Variants in ENOX1 observed in about 807,000 individuals in gnomAD.
ENOX1 encodes ecto-NOX disulfide-thiol exchanger 1, also known as candidate growth-related and time keeping constitutive hydroquinone (NADH) oxidase.
Under a neutral mutation model 82.5 loss-of-function variants are expected in ENOX1, and 42 were observed. That is an observed-to-expected ratio of 0.51 (90% CI 0.40 to 0.66). The LOEUF (loss-of-function observed/expected upper bound fraction) is 0.66, where lower values mean the gene tolerates loss of function less well. Among genes scored for constraint, ENOX1 ranks in the 30% least tolerant of loss-of-function variants. ENOX1 has a pLI of 0.00. For synonymous variants in ENOX1, 271 were observed against 282.2 expected (o/e 0.96, Z 0.40); for missense variants, 608 against 811.6 (o/e 0.75, Z 3.05).
intron 2 of ENOX1, among the ~76,000 whole-genome samples, chr13:43,585,328 G>A (rs2080928751): frequency 6.6e-6 from 1 of 152,200 alleles, no homozygotes; most frequent in African/African-American, 2.4e-5. Context: ...CCTTAATTCA[G>A]CCCATTGAAA....
intron 2 of ENOX1, among the ~76,000 whole-genome samples, chr13:43,535,300 C>G (rs901721269): frequency 2.3e-4 from 35 of 152,108 alleles, no homozygotes; most frequent in Non-Finnish European, 4.7e-4. Flanking sequence ...AGAATAAAGA[C>G]TTAGAACCTA....
intron 1 of ENOX1, among the ~76,000 whole-genome samples, chr13:43,719,507 C>T (rs1396753515): frequency 6.6e-6 from 1 of 152,108 alleles, no homozygotes; most frequent in Non-Finnish European, 1.5e-5. Context: ...ATAATCAATG[C>T]TGTGGCTGGA....
At chr13:43,767,963 G>C (rs904820529) in intron 1 of ENOX1, among the ~76,000 whole-genome samples, 1 of 152,204 alleles carries the variant, frequency 6.6e-6, no homozygotes. Flanking sequence ...AGTCGGGGGG[G>C]AGCGGAGGGG....
At chr13:43,589,216 GAAAAAAAA>G (rs58912569) in intron 2 of ENOX1, among the ~76,000 whole-genome samples, 4 of 79,768 alleles carry the variant, frequency 5.0e-5, no homozygotes, top group East Asian at 7.7e-4. Flanking sequence ...GACATTAATG[GAAAAAAAA>G]AAAAAAAAAA....
intron 1 of ENOX1, among the ~76,000 whole-genome samples, chr13:43,684,647 C>T (rs2085971021): frequency 2.0e-5 from 3 of 152,110 alleles, no homozygotes; most frequent in African/African-American, 4.8e-5. Context: ...TGAGGACTAT[C>T]GCCCTACAGA....
chr13:43,229,891 G>A (rs574495951), intron 15 of ENOX1, among the ~76,000 whole-genome samples: 3 of 152,344 alleles, frequency 2.0e-5, no homozygotes, highest in Admixed American at 2.0e-4. Flanking sequence ...GCAGGAAAAA[G>A]GGGAATCGGG....
intron 3 of ENOX1, among the ~76,000 whole-genome samples, chr13:43,460,209 C>T (rs1448231879): frequency 6.6e-6 from 1 of 152,068 alleles, no homozygotes; most frequent in East Asian, 1.9e-4. Flanking sequence ...TAATTACATG[C>T]CATAATACCC....
intron 2 of ENOX1, among the ~76,000 whole-genome samples, chr13:43,645,446 A>G (rs1323952459): frequency 6.6e-6 from 1 of 150,940 alleles, no homozygotes; most frequent in African/African-American, 2.4e-5. Flanking sequence ...GGCATGAGCC[A>G]CTGTGCTCGG....
chr13:43,667,446 T>C, intron 2 of ENOX1, 33 bp downstream of exon 2: 1 of 985,346 alleles, frequency 1.0e-6, no homozygotes, highest in African/African-American at 1.7e-5. Context: ...ACCAACCTGC[T>C]TGTTATTTGT....
chr13:43,751,542 T>G (rs1285588642), intron 1 of ENOX1, among the ~76,000 whole-genome samples: 1 of 152,198 alleles, frequency 6.6e-6, no homozygotes, highest in Non-Finnish European at 1.5e-5. Context: ...GTCACTCCTC[T>G]CTGTCCCTCA....
At chr13:43,712,734 G>T (rs1386087973) in intron 1 of ENOX1, among the ~76,000 whole-genome samples, 1 of 152,182 alleles carries the variant, frequency 6.6e-6, no homozygotes, top group Non-Finnish European at 1.5e-5. Context: ...TGGTGTATAA[G>T]AATGCTTATG....
At chr13:43,244,790 C>G (rs1489052799) in intron 14 of ENOX1, among the ~76,000 whole-genome samples, 1 of 152,316 alleles carries the variant, frequency 6.6e-6, no homozygotes, top group South Asian at 2.1e-4. Flanking sequence ...CTGCCAGCAG[C>G]ATACCACAAG....
intron 8 of ENOX1, among the ~76,000 whole-genome samples, chr13:43,349,042 C>CT (rs2049587434): frequency 6.6e-6 from 1 of 152,152 alleles, no homozygotes; most frequent in African/African-American, 2.4e-5. Context: ...TAAGGGGAGA[C>CT]TACTGTATTC....
chr13:43,413,072 A>T, intron 3 of ENOX1, 84 bp from the exon 4 acceptor site: 1 of 1,328,020 alleles, frequency 7.5e-7, no homozygotes, highest in Non-Finnish European at 9.8e-7. Flanking sequence ...TATCTATTCA[A>T]AATCAAAAAC....
intron 11 of ENOX1, among the ~76,000 whole-genome samples, chr13:43,314,278 T>A: frequency 6.6e-6 from 1 of 152,214 alleles, no homozygotes; most frequent in Non-Finnish European, 1.5e-5. Context: ...AATAATTTCC[T>A]ATAAACTTCA....
intron 7 of ENOX1, among the ~76,000 whole-genome samples, chr13:43,358,489 A>G (rs535825105): frequency 1.3e-5 from 2 of 152,172 alleles, no homozygotes; most frequent in African/African-American, 4.8e-5. Flanking sequence ...AAGTGTACTG[A>G]GGGATGACTG....
chr13:43,675,785 G>C (rs768288241), intron 1 of ENOX1, among the ~76,000 whole-genome samples: 26 of 152,262 alleles, frequency 1.7e-4, no homozygotes, highest in Admixed American at 3.9e-4. Flanking sequence ...CCTATCATCT[G>C]GAGCATGTGG....
rs367858681 is a variant in ENOX1 at position 43,511,474 on chromosome 13, A to G, written c.-218-27322T>C. 9.9e-4 allele frequency among the ~76,000 whole-genome samples: 151 copies of G among 152,288 alleles called. 5 individuals carry two copies. In the South Asian group the frequency reaches 0.03, roughly 31 times the overall value. ...AATCCAAATATCAGTTTACTTCAGT[A>G]TAAGCATATCAGATTGACCTGAAAT... On this transcript the variant is annotated intron_variant, in intron 2 of 16. Coordinates refer to ENST00000690772, the MANE Select transcript of ENOX1 (RefSeq NM_001347969.2).
intron 5 of ENOX1, among the ~76,000 whole-genome samples, chr13:43,410,181 AG>A (rs1184103640): frequency 6.6e-6 from 1 of 152,216 alleles, no homozygotes; most frequent in Admixed American, 6.5e-5. Context: ...TTACTCTAGA[AG>A]TCGTACTACA....
Sources: gnomAD v4.1 joint callset for allele counts (sites outside exome capture counted in the v4.1 genomes callset) on GRCh38, gnomAD v4.1.1 for gene constraint, MANE v1.5 for transcripts, NCBI Gene and HGNC (gene_info 2026-07-23, HGNC 2026-07-21) for gene names.